Variants in SEMA5A observed in about 807,000 individuals in gnomAD.
SEMA5A encodes semaphorin-5A.
In SEMA5A, 55 loss-of-function variants were observed where a neutral mutation model predicts 135.5. That is an observed-to-expected ratio of 0.41 (90% CI 0.33 to 0.51). SEMA5A has a LOEUF of 0.51. SEMA5A is among the 20% of genes least tolerant of loss of function. The probability of loss-of-function intolerance (pLI) is 0.37; values close to 1 mark genes in which losing one functional copy is unlikely to be tolerated. For missense variants in SEMA5A, 1,290 were observed against 1,419.9 expected (o/e 0.91, Z 1.47); for synonymous variants, 580 against 546.5 (o/e 1.06, Z -0.85).
intron 12 of SEMA5A, among the ~76,000 whole-genome samples, chr5:9,151,597 A>G (rs938560558): frequency 1.3e-5 from 2 of 152,176 alleles, no homozygotes; most frequent in Non-Finnish European, 2.9e-5. Flanking sequence ...TGGAATGTTA[A>G]CTAGGGAGGG....
intron 4 of SEMA5A, among the ~76,000 whole-genome samples, chr5:9,333,814 ATTG>A (rs1561157631): frequency 6.6e-6 from 1 of 152,164 alleles, no homozygotes. Flanking sequence ...TATCTCTGAA[ATTG>A]TTTTTTTCTT....
intron 16 of SEMA5A, among the ~76,000 whole-genome samples, chr5:9,092,261 C>T (rs57592719): frequency 0.014 from 2,081 of 152,252 alleles, 42 homozygotes; most frequent in African/African-American, 0.047. Context: ...CTGTATTTGT[C>T]GAATGCACAG....
intron 21 of SEMA5A, among the ~76,000 whole-genome samples, chr5:9,049,082 CTGAATGAA>C (rs1474229434): frequency 1.3e-5 from 2 of 152,120 alleles, no homozygotes; most frequent in Non-Finnish European, 2.9e-5. Context: ...GAATGAATGA[CTGAATGAA>C]TGAATGAACT....
chr5:9,185,196 G>C (rs896247728), intron 11 of SEMA5A, among the ~76,000 whole-genome samples: 1 of 152,130 alleles, frequency 6.6e-6, no homozygotes, highest in Non-Finnish European at 1.5e-5. Flanking sequence ...CCGAAGTTCT[G>C]GGATTACAGG....
At chr5:9,220,338 C>T (rs1746867260) in intron 8 of SEMA5A, among the ~76,000 whole-genome samples, 1 of 151,842 alleles carries the variant, frequency 6.6e-6, no homozygotes, top group Admixed American at 6.6e-5. Context: ...CCACCTGTGC[C>T]CCAGAAATTA....
chr5:9,100,145 G>A (rs1739547265), intron 16 of SEMA5A, among the ~76,000 whole-genome samples: 1 of 152,166 alleles, frequency 6.6e-6, no homozygotes, highest in Non-Finnish European at 1.5e-5. Context: ...ACCAGTCCAT[G>A]GGACCTGTAA....
intron 3 of SEMA5A, among the ~76,000 whole-genome samples, chr5:9,375,587 G>T (rs998288653): frequency 6.7e-6 from 1 of 148,756 alleles, no homozygotes; most frequent in Non-Finnish European, 1.5e-5. Flanking sequence ...GAGACAATTA[G>T]GTTGTTTTAA....
intron 5 of SEMA5A, among the ~76,000 whole-genome samples, chr5:9,302,593 T>G (rs1471882870): frequency 6.6e-6 from 1 of 152,232 alleles, no homozygotes; most frequent in African/African-American, 2.4e-5. Flanking sequence ...TGTTTCTCAG[T>G]GCAAATATGC....
chr5:9,243,528 A>G (rs1748320803), intron 5 of SEMA5A, among the ~76,000 whole-genome samples: 1 of 152,202 alleles, frequency 6.6e-6, no homozygotes, highest in South Asian at 2.1e-4. Context: ...ACAGCATGGC[A>G]TAAGAGATTT....
chr5:9,155,015 T>C (rs1380888643), intron 11 of SEMA5A, among the ~76,000 whole-genome samples: 1 of 152,132 alleles, frequency 6.6e-6, no homozygotes, highest in Non-Finnish European at 1.5e-5. Flanking sequence ...TGCCATCCCA[T>C]GGAAAACATC....
intron 12 of SEMA5A, among the ~76,000 whole-genome samples, chr5:9,149,962 G>A (rs1742545864): frequency 6.6e-6 from 1 of 152,090 alleles, no homozygotes; most frequent in African/African-American, 2.4e-5. Context: ...GGCTGCTCTT[G>A]GCTGCTCCAT....
At chr5:9,291,360 A>G (rs1226458899) in intron 5 of SEMA5A, among the ~76,000 whole-genome samples, 1 of 152,148 alleles carries the variant, frequency 6.6e-6, no homozygotes, top group African/African-American at 2.4e-5. Flanking sequence ...ACCACCTTGG[A>G]TTCTGGAAAG....
chr5:9,308,090 G>A (rs145876979), intron 5 of SEMA5A, among the ~76,000 whole-genome samples: 1 of 152,166 alleles, frequency 6.6e-6, no homozygotes, highest in Non-Finnish European at 1.5e-5. Context: ...ACTAGTGTCT[G>A]TTCGGTCAGA....
intron 1 of SEMA5A, among the ~76,000 whole-genome samples, chr5:9,463,665 C>T (rs775433622): frequency 6.6e-6 from 1 of 152,164 alleles, no homozygotes; most frequent in East Asian, 1.9e-4. Context: ...CTGCTGCCAA[C>T]GTGGGGCTTT....
intron 1 of SEMA5A, among the ~76,000 whole-genome samples, chr5:9,458,999 T>C (rs1480864740): frequency 6.6e-6 from 1 of 152,202 alleles, no homozygotes; most frequent in Non-Finnish European, 1.5e-5. Flanking sequence ...ATTTGATCTA[T>C]TTTCACAAGA....
intron 5 of SEMA5A, among the ~76,000 whole-genome samples, chr5:9,299,817 C>T (rs910692326): frequency 6.6e-6 from 1 of 152,120 alleles, no homozygotes; most frequent in Non-Finnish European, 1.5e-5. Flanking sequence ...CAGACAAAAG[C>T]CATACTTCAC....
chr5:9,139,903 T>C (rs12520694), intron 12 of SEMA5A, among the ~76,000 whole-genome samples: 4 of 152,178 alleles, frequency 2.6e-5, no homozygotes, highest in Admixed American at 2.6e-4. Flanking sequence ...TAAGGTATCA[T>C]TTTTTGGCTC....
chr5:9,316,415 T>G (rs1349794344), intron 5 of SEMA5A, among the ~76,000 whole-genome samples: 1 of 152,142 alleles, frequency 6.6e-6, no homozygotes, highest in African/African-American at 2.4e-5. Flanking sequence ...TTCTAAACCC[T>G]CTCAGCTGAC....
At chr5:9,135,082 C>T (rs896944611) in intron 13 of SEMA5A, among the ~76,000 whole-genome samples, 9 of 152,088 alleles carry the variant, frequency 5.9e-5, no homozygotes, top group Non-Finnish European at 1.0e-4. Flanking sequence ...ACAGTGAAGG[C>T]CCCTTGATTC....
Sources: gnomAD v4.1 joint callset for allele counts (sites outside exome capture counted in the v4.1 genomes callset) on GRCh38, gnomAD v4.1.1 for gene constraint, MANE v1.5 for transcripts, NCBI Gene and HGNC (gene_info 2026-07-23, HGNC 2026-07-21) for gene names.